Variants in KDM4C observed in about 807,000 individuals in gnomAD.
The protein encoded by KDM4C is lysine demethylase 4C, also known as lysine-specific demethylase 4C.
A neutral mutation model predicts 129.3 loss-of-function variants in KDM4C; 81 were observed. The observed-to-expected ratio is 0.63, with a 90% CI of 0.52 to 0.75. The LOEUF (loss-of-function observed/expected upper bound fraction) is 0.75. Among genes scored for constraint, KDM4C ranks in the 30% least tolerant of loss-of-function variants. The pLI, the probability that KDM4C is intolerant of heterozygous loss-of-function variation, is 0.00. For synonymous variants in KDM4C, 573 were observed against 456.1 expected (o/e 1.26, Z -3.26); for missense variants, 1,457 against 1,304.0 (o/e 1.12, Z -1.81).
chr9:6,767,478 A>C (rs887712104), intron 1 of KDM4C, among the ~76,000 whole-genome samples: 7 of 150,652 alleles, frequency 4.6e-5, no homozygotes, highest in African/African-American at 1.7e-4. Flanking sequence ...TCTGTCACCT[A>C]GGATGCAGTG....
At chr9:6,804,757 CAAAA>C (rs778108422) in intron 2 of KDM4C, among the ~76,000 whole-genome samples, 1 of 94,482 alleles carries the variant, frequency 1.1e-5, no homozygotes. Flanking sequence ...GACTCCGTCT[CAAAA>C]AAAAAAAAAA....
At chr9:6,768,268 C>CTTTT (rs1821038368) in intron 1 of KDM4C, among the ~76,000 whole-genome samples, 1 of 151,822 alleles carries the variant, frequency 6.6e-6, no homozygotes, top group South Asian at 2.1e-4. Context: ...CCTGGGAAAG[C>CTTTT]ACATAAATGA....
intron 5 of KDM4C, among the ~76,000 whole-genome samples, chr9:6,870,293 A>G (rs1005017705): frequency 3.3e-5 from 5 of 151,946 alleles, no homozygotes; most frequent in African/African-American, 1.2e-4. Flanking sequence ...TGGAGGACAG[A>G]TGGGCCCTGT....
intron 19 of KDM4C, among the ~76,000 whole-genome samples, chr9:7,140,827 G>A (rs944086967): frequency 2.6e-5 from 4 of 152,186 alleles, no homozygotes; most frequent in Admixed American, 1.3e-4. Context: ...GATGTGCTTC[G>A]AATTGAGAGA....
chr9:6,840,009 A>C (rs750847444), intron 4 of KDM4C, among the ~76,000 whole-genome samples: 5 of 152,208 alleles, frequency 3.3e-5, no homozygotes, highest in Non-Finnish European at 7.4e-5. Context: ...GATTGTTTAC[A>C]AAGAGCTATG....
chr9:7,054,009 C>T (rs967475547), intron 17 of KDM4C, among the ~76,000 whole-genome samples: 2 of 152,242 alleles, frequency 1.3e-5, no homozygotes, highest in African/African-American at 4.8e-5. Context: ...TTTTTATTAC[C>T]TGTCCATTAG....
intron 1 of KDM4C, among the ~76,000 whole-genome samples, chr9:6,730,345 G>C (rs987742849): frequency 1.9e-4 from 29 of 152,150 alleles, no homozygotes; most frequent in African/African-American, 6.3e-4. Context: ...GCTGGGCGTG[G>C]TGGCTCACGC....
rs200829590 is a variant in KDM4C at position 7,065,264 on chromosome 9, C to CT, written c.2424+16073dup. Among the ~76,000 whole-genome samples the CT allele has an allele frequency of 5.4e-3, 816 of 151,254 alleles. 11 individuals are homozygous for CT. The highest frequency in any genetic ancestry group is 0.018 in the African/African-American group (753 of 41,270). ...TTAAAACAAAATTTTAAACTATGGA[C>CT]TTTTTTTTTCTGTTGGGAATATAAA... is the stretch of plus-strand genomic sequence containing the variant. On this transcript the variant is annotated intron_variant, in intron 17 of 21. Transcript: ENST00000381309.
Position 7,128,252 on chromosome 9 carries a change from T to C in KDM4C, c.2781+16T>C. On this transcript the variant is annotated intron_variant, in intron 19 of 21. Transcript: ENST00000381309. ...GGATATCGTGGTAAGTAGGCTTCCT[T>C]GAGTGCCTGCTACCCAGAGTAATTT... 6.5e-7 allele frequency: 1 copy of C among 1,549,216 alleles called. No homozygotes were observed. The highest frequency in any genetic ancestry group is 8.7e-7 in the Non-Finnish European group (1 of 1,145,312).
intron 5 of KDM4C, among the ~76,000 whole-genome samples, chr9:6,871,052 A>G (rs12340326): frequency 0.014 from 2,188 of 152,280 alleles, 48 homozygotes; most frequent in African/African-American, 0.049. Flanking sequence ...GACAACAGAA[A>G]CCATTTGTTC....
intron 4 of KDM4C, among the ~76,000 whole-genome samples, chr9:6,833,654 G>C (rs1245283778): frequency 1.3e-5 from 2 of 152,154 alleles, no homozygotes; most frequent in African/African-American, 4.8e-5. Context: ...ACAAAATGAG[G>C]TGACATAAAT....
rs200911100 is a variant in KDM4C, at chr9:7,078,392, C to CT, written c.2425-25282dup. ...AGCAGAGAAATTGTTCCTAGGTTTC[C>CT]TTTTTTTTTTTGTCTTCAACACAGA... On this transcript the variant is annotated intron_variant, in intron 17 of 21. Transcript: ENST00000381309. Among the ~76,000 whole-genome samples, 475 of 143,374 alleles carry CT rather than the reference C, an allele frequency of 3.3e-3. 10 individuals are homozygous for CT. The highest frequency in any genetic ancestry group is 0.027 in the East Asian group (133 of 4,982). The allele number at this position is 143,374 out of a possible 152,430, so 94.1% of individuals were successfully genotyped here. A position where few individuals can be genotyped will look rare whatever the true frequency, so the allele number is the denominator to read the frequency against.
chr9:6,849,842 TTGTCTTCTA>T, intron 5 of KDM4C, 142 bp downstream of exon 5: 1 of 649,948 alleles, frequency 1.5e-6, no homozygotes, highest in Non-Finnish European at 2.6e-6. Flanking sequence ...TAATAGTTAA[TTGTCTTCTA>T]TTCTGTCTGG....
At chr9:6,976,582 T>A (rs1020852898) in intron 8 of KDM4C, among the ~76,000 whole-genome samples, 4 of 152,212 alleles carry the variant, frequency 2.6e-5, no homozygotes, top group Non-Finnish European at 5.9e-5. Context: ...TTAGGCACTT[T>A]CGCTTTGTGT....
At chr9:6,743,336 C>G (rs1042713322) in intron 1 of KDM4C, among the ~76,000 whole-genome samples, 1 of 152,130 alleles carries the variant, frequency 6.6e-6, no homozygotes, top group South Asian at 2.1e-4. Context: ...AACCAGCACC[C>G]CGCACAATTC....
chr9:6,747,091 T>C (rs568570158), intron 1 of KDM4C, among the ~76,000 whole-genome samples: 1 of 141,396 alleles, frequency 7.1e-6, no homozygotes, highest in Non-Finnish European at 1.5e-5. Flanking sequence ...TATTCAGGAG[T>C]CTGAGGTGGG....
chr9:6,845,625 G>C (rs756356715), intron 4 of KDM4C, among the ~76,000 whole-genome samples: 1 of 152,108 alleles, frequency 6.6e-6, no homozygotes, highest in African/African-American at 2.4e-5. Context: ...TGCAAAAATC[G>C]TGGTCCAATT....
chr9:6,791,741 G>C (rs760987077), intron 1 of KDM4C, among the ~76,000 whole-genome samples: 9 of 152,130 alleles, frequency 5.9e-5, no homozygotes, highest in Non-Finnish European at 1.3e-4. Context: ...TCATTTTTAC[G>C]GCCAGACACA....
chr9:6,859,148 G>T (rs1840460062), intron 5 of KDM4C, among the ~76,000 whole-genome samples: 1 of 152,082 alleles, frequency 6.6e-6, no homozygotes, highest in South Asian at 2.1e-4. Flanking sequence ...GAAGTCCTTT[G>T]ATGTTTGCCA....
Sources: allele counts gnomAD v4.1 joint callset (sites outside exome capture counted in the v4.1 genomes callset), GRCh38; gene constraint gnomAD v4.1.1; transcripts MANE v1.5; gene names NCBI Gene and HGNC (gene_info 2026-07-23, HGNC 2026-07-21).